The following SRPK2 variants were observed in gnomAD, a reference collection of about 807,000 sequenced individuals.
SRPK2 encodes SRSF protein kinase 2.
In SRPK2, 21 loss-of-function variants were observed where a neutral mutation model predicts 90.8. The ratio of observed to expected loss-of-function variants is 0.23; its 90% CI spans 0.16 to 0.33. SRPK2 has a LOEUF of 0.33. SRPK2 is among the 10% of genes least tolerant of loss of function. The pLI, the probability that SRPK2 is intolerant of heterozygous loss-of-function variation, is 1.00. For missense variants in SRPK2, 620 were observed against 869.0 expected, an observed-to-expected ratio of 0.71 and a Z score of 3.60; for synonymous variants, 288 against 311.1, an observed-to-expected ratio of 0.93 and a Z score of 0.78.
At chr7:105,300,768 C>G (rs1007327250) in intron 2 of SRPK2, among the ~76,000 whole-genome samples, 2 of 152,078 alleles carry the variant, frequency 1.3e-5, no homozygotes, top group African/African-American at 2.4e-5. Context: ...TGAAAAAATG[C>G]TCATCATCAC....
At chr7:105,307,387 A>G (rs1259730630) in intron 2 of SRPK2, among the ~76,000 whole-genome samples, 2 of 152,266 alleles carry the variant, frequency 1.3e-5, no homozygotes, top group East Asian at 1.9e-4. Context: ...CCAATGTGTA[A>G]TAAGTAAGTG....
chr7:105,383,024 G>C (rs574971481), intron 2 of SRPK2, among the ~76,000 whole-genome samples: 31 of 138,128 alleles, frequency 2.2e-4, no homozygotes, highest in African/African-American at 8.6e-4. Context: ...GCAAGGTCTT[G>C]TGAGTCTGAA....
chr7:105,307,509 A>G (rs1217443245), intron 2 of SRPK2, among the ~76,000 whole-genome samples: 1 of 152,240 alleles, frequency 6.6e-6, no homozygotes, highest in Non-Finnish European at 1.5e-5. Flanking sequence ...TCCATTTGTC[A>G]TCTGACATGT....
At chr7:105,294,955 A>C (rs1193199894) in intron 2 of SRPK2, among the ~76,000 whole-genome samples, 2 of 152,122 alleles carry the variant, frequency 1.3e-5, no homozygotes, top group Non-Finnish European at 2.9e-5. Flanking sequence ...TCACACTTCT[A>C]ATCCCAGCAC....
intron 2 of SRPK2, chr7:105,304,275 C>T (rs1810908412): frequency 6.6e-6 from 1 of 152,174 alleles, no homozygotes; most frequent in African/African-American, 2.4e-5. Flanking sequence ...CTCTAACAAC[C>T]CAGATTGCCT....
intron 2 of SRPK2, among the ~76,000 whole-genome samples, chr7:105,236,543 C>T (rs566876901): frequency 1.3e-5 from 2 of 151,778 alleles, no homozygotes; most frequent in South Asian, 2.1e-4. Flanking sequence ...GTTTTATTCC[C>T]GTTTTACAGA....
intron 2 of SRPK2, among the ~76,000 whole-genome samples, chr7:105,377,545 C>G (rs769558017): frequency 6.6e-6 from 1 of 151,058 alleles, no homozygotes; most frequent in Non-Finnish European, 1.5e-5. Flanking sequence ...AAAAAAAATA[C>G]AAAAATTAGC....
At chr7:105,258,341 C>T (rs113895496) in intron 2 of SRPK2, among the ~76,000 whole-genome samples, 1,569 of 145,896 alleles carry the variant, frequency 0.011, 23 homozygotes, top group African/African-American at 0.036. Flanking sequence ...TGCTTGAACC[C>T]GGGAGGCAGA....
intron 15 of SRPK2, among the ~76,000 whole-genome samples, chr7:105,124,187 C>A (rs1210329610): frequency 6.6e-6 from 1 of 152,220 alleles, no homozygotes; most frequent in Non-Finnish European, 1.5e-5. Context: ...TGCCTGCAAC[C>A]AGCTCCATGC....
At chr7:105,241,605 C>G (rs1023688004) in intron 2 of SRPK2, among the ~76,000 whole-genome samples, 1 of 152,222 alleles carries the variant, frequency 6.6e-6, no homozygotes, top group Non-Finnish European at 1.5e-5. Context: ...AATTTAGCTT[C>G]TGGTCCCTGG....
Position 105,203,862 on chromosome 7 carries a change from T to C in SRPK2, c.72-77A>G. On this transcript the variant is annotated intron_variant, in intron 2 of 15. Transcript: ENST00000393651. The stretch of plus-strand genomic sequence containing the variant: ...ATGGATGCATTTGAGCACTTCTTAA[T>C]ATGGGGGAAAAAATAAAACTTGTCA... 4 of 1,497,274 alleles carry C rather than the reference T, an allele frequency of 2.7e-6. No homozygotes were observed. In the South Asian group the frequency reaches 3.8e-5, roughly 14 times the overall value. 92.7% of individuals were successfully genotyped at this position (1,497,274 alleles called of 1,614,324 possible). A position where few individuals can be genotyped will look rare whatever the true frequency, so the allele number is the denominator to read the frequency against.
chr7:105,396,396 G>A (rs1162147242), intron 1 of SRPK2, among the ~76,000 whole-genome samples: 1 of 151,788 alleles, frequency 6.6e-6, no homozygotes, highest in Non-Finnish European at 1.5e-5. Flanking sequence ...CCAGCACTTT[G>A]GGAGGCTGAG....
At chr7:105,300,623 A>C (rs1810426975) in intron 2 of SRPK2, among the ~76,000 whole-genome samples, 1 of 152,222 alleles carries the variant, frequency 6.6e-6, no homozygotes, top group South Asian at 2.1e-4. Flanking sequence ...CATCTGACAA[A>C]GGGCTAATAT....
chr7:105,369,055 C>A (rs565663357), intron 2 of SRPK2, among the ~76,000 whole-genome samples: 1 of 151,962 alleles, frequency 6.6e-6, no homozygotes, highest in African/African-American at 2.4e-5. Flanking sequence ...CAAGCTCTCA[C>A]CTGCCAATTC....
At chr7:105,224,334 G>A (rs1171818775) in intron 2 of SRPK2, among the ~76,000 whole-genome samples, 3 of 152,156 alleles carry the variant, frequency 2.0e-5, no homozygotes. Flanking sequence ...TTTAAGGTGG[G>A]TGCAGTGGCT....
intron 2 of SRPK2, among the ~76,000 whole-genome samples, chr7:105,338,496 A>AGGT (rs1420557835): frequency 6.6e-6 from 1 of 152,162 alleles, no homozygotes; most frequent in Non-Finnish European, 1.5e-5. Context: ...GATCCACCTC[A>AGGT]GGTGATCCAC....
chr7:105,179,006 G>A (rs1563042637), intron 3 of SRPK2, among the ~76,000 whole-genome samples: 1 of 151,968 alleles, frequency 6.6e-6, no homozygotes, highest in Non-Finnish European at 1.5e-5. Context: ...TACTAATAAG[G>A]AAAATAGTGT....
intron 13 of SRPK2, among the ~76,000 whole-genome samples, chr7:105,130,275 G>A (rs1453139137): frequency 6.6e-6 from 1 of 152,158 alleles, no homozygotes; most frequent in Non-Finnish European, 1.5e-5. Flanking sequence ...AGACAGCCGG[G>A]CACAGTGTCA....
rs1351017908 is a variant in SRPK2, at chr7:105,126,295, T to G, written c.1868A>C (p.His623Pro). 4 of 1,614,020 alleles carry G rather than the reference T, an allele frequency of 2.5e-6. 1 individual carries two copies. The Admixed American group carries it at 6.7e-5, about 27-fold the overall frequency. ...AGAATATTTTCCAGATAGAGCAAAG[T>G]GCCTTGGAATACTGCCTAGCAGCTC... ...IIELLGSIPR[H>P]FALSGKYSRE... The change falls in exon 15 of 16, where the codon CAC becomes CCC. Residue 623 changes from histidine to proline, a missense_variant. Physicochemically the swap from His to Pro is moderately conservative, Grantham distance 77 (BLOSUM62 -2). Transcript: ENST00000393651.
Sources: allele counts gnomAD v4.1 joint callset (sites outside exome capture counted in the v4.1 genomes callset), GRCh38; gene constraint gnomAD v4.1.1; transcripts MANE v1.5; gene names NCBI Gene and HGNC (gene_info 2026-07-23, HGNC 2026-07-21).